Variants in GANAB observed in about 807,000 individuals in gnomAD.
GANAB encodes the protein neutral alpha-glucosidase AB.
A neutral mutation model predicts 129.9 loss-of-function variants in GANAB; 35 were observed. That is an observed-to-expected ratio of 0.27 (90% CI 0.21 to 0.36). GANAB has a LOEUF of 0.36. Among genes scored for constraint, GANAB ranks in the 10% least tolerant of loss-of-function variants. The pLI, the probability that GANAB is intolerant of heterozygous loss-of-function variation, is 1.00. For synonymous variants in GANAB, 482 were observed against 451.8 expected, an observed-to-expected ratio of 1.07 and a Z score of -0.85; for missense variants, 939 against 1,221.0, an observed-to-expected ratio of 0.77 and a Z score of 3.44.
At chr11:62,637,757 G>A (rs987955608) in intron 4 of GANAB, among the ~76,000 whole-genome samples, 4 of 151,726 alleles carry the variant, frequency 2.6e-5, no homozygotes, top group Non-Finnish European at 5.9e-5. Context: ...AAACCCAGCC[G>A]GGCGCGGTGG....
chr11:62,632,179 G>A (rs1943721006), intron 9 of GANAB, among the ~76,000 whole-genome samples: 1 of 151,720 alleles, frequency 6.6e-6, no homozygotes, highest in Non-Finnish European at 1.5e-5. Context: ...TCGCCATGTT[G>A]GCCAGGCTGG....
intron 1 of GANAB, among the ~76,000 whole-genome samples, chr11:62,642,622 G>C (rs1944317667): frequency 6.6e-6 from 1 of 151,984 alleles, no homozygotes; most frequent in Non-Finnish European, 1.5e-5. Context: ...TTTTAGTAGA[G>C]ACGGGGTTTC....
intron 5 of GANAB, chr11:62,634,374 A>C (rs762994685): frequency 6.2e-7 from 1 of 1,607,630 alleles, no homozygotes; most frequent in Admixed American, 1.7e-5. Flanking sequence ...TTATCCGAGA[A>C]ACTGGGGCAG....
chr11:62,644,904 C>T (rs1341138577), intron 1 of GANAB, among the ~76,000 whole-genome samples: 2 of 152,078 alleles, frequency 1.3e-5, no homozygotes, highest in Non-Finnish European at 2.9e-5. Context: ...CTATTATACA[C>T]ATTGTATCTA....
chr11:62,641,228 C>G (rs1418730658), intron 1 of GANAB, among the ~76,000 whole-genome samples: 1 of 150,980 alleles, frequency 6.6e-6, no homozygotes, highest in Non-Finnish European at 1.5e-5. Flanking sequence ...TCTGTAGTGA[C>G]AGCTACTCGG....
Position 62,626,963 on chromosome 11 carries a change from G to A in GANAB, c.2323-29C>T, listed in dbSNP as rs377549675. 7.4e-5 allele frequency: 118 copies of A among 1,585,078 alleles called. No homozygotes were observed. In the African/African-American group the frequency reaches 1.2e-3, roughly 16 times the overall value. On this transcript the variant is annotated intron_variant, in intron 19 of 23. Coordinates refer to ENST00000356638, the MANE Select transcript of GANAB (RefSeq NM_198334.3). ...TGAGTGACAAAAGAGGTAAGATACC[G>A]GATCACTCAGTGCACAGGGGTCCCG...
intron 8 of GANAB, 79 bp from the exon 9 acceptor site, chr11:62,632,824 G>A: frequency 8.4e-7 from 1 of 1,195,804 alleles, no homozygotes; most frequent in Non-Finnish European, 1.2e-6. Flanking sequence ...ACAGACACAG[G>A]TGAGAGATAA....
rs1348604119 is a variant in GANAB at position 62,630,401 on chromosome 11, G to A, written c.1491C>T (p.Asp497=). The A allele has an allele frequency of 6.2e-7, 1 of 1,614,190 alleles. No homozygotes were observed. Among genetic ancestry groups the A allele is most frequent in the Non-Finnish European group, 8.5e-7 (1 of 1,180,048 alleles). Residue 497 remains aspartate, a synonymous_variant, in exon 12 of 24, where the codon GAC becomes GAT. Coordinates refer to ENST00000356638, the MANE Select transcript of GANAB (RefSeq NM_198334.3). ...TACCTGGCCAGCACCAGCCCTCATA[G>A]TCAGAGCCATCCCGGGTTTTAACAT... ...GLYVKTRDGS[D]YEGWCWPGSA...
chr11:62,639,386 C>A lies in GANAB; in HGVS notation c.225G>T (p.Thr75=), dbSNP rs779044970. 1.9e-6 allele frequency: 3 copies of A among 1,612,056 alleles called. No homozygotes were observed. Among genetic ancestry groups the A allele is most frequent in the African/African-American group, 1.3e-5 (1 of 74,814 alleles). Residue 75 remains threonine, a synonymous_variant, in exon 3 of 24, where the codon ACG becomes ACT. Coordinates refer to ENST00000356638, the MANE Select transcript of GANAB (RefSeq NM_198334.3). ...DSLQLGPDSL[T]VHLIHEVTKV... ...TGGTGACCTCATGGATCAGATGGAC[C>A]GTGAGGGAATCAGGACCAAGCTGTA...
intron 1 of GANAB, among the ~76,000 whole-genome samples, chr11:62,644,469 A>G (rs74542412): frequency 6.6e-6 from 1 of 151,824 alleles, no homozygotes; most frequent in Non-Finnish European, 1.5e-5. Flanking sequence ...AAAAAAAAAA[A>G]GAGTAGCAAG....
At chr11:62,642,923 T>TA (rs1272789613) in intron 1 of GANAB, among the ~76,000 whole-genome samples, 1 of 152,124 alleles carries the variant, frequency 6.6e-6, no homozygotes, top group Non-Finnish European at 1.5e-5. Context: ...AAATAGCTGG[T>TA]AAGGGATGAA....
In GANAB at chr11:62,642,437, CTTT is replaced by C. The variant is rs769063549; in HGVS notation, c.39-2709_39-2707del. Reference sequence around the variant, plus strand: ...ATCAGAGAGAAGCCTGGGCATCAGACTTTTTTTTTTTTTTTGAGATGGAGCCTT... The same window carrying C: ...ATCAGAGAGAAGCCTGGGCATCAGACTTTTTTTTTTTTGAGATGGAGCCTT... On this transcript the variant is annotated intron_variant, in intron 1 of 23. Transcript: ENST00000356638. Among the ~76,000 whole-genome samples the C allele has an allele frequency of 5.0e-5, 7 of 140,778 alleles. 1 individual carries two copies. The highest frequency in any genetic ancestry group is 1.0e-4 in the African/African-American group (4 of 38,570). 92.4% of individuals were successfully genotyped at this position (140,778 alleles called of 152,430 possible).
In GANAB at chr11:62,625,287, C is replaced by T. The variant is rs1943311947; in HGVS notation, c.*528G>A. The T allele has an allele frequency of 2.2e-6, 1 of 456,152 alleles. No individual in the cohort carries two copies. The highest frequency in any genetic ancestry group is 2.0e-5 in the African/African-American group (1 of 50,002). The allele number at this position is 456,152 out of a possible 1,614,324, so 28.3% of individuals were successfully genotyped here. Reference sequence around the variant, plus strand: ...ACCTCACTCCTTTGATCCATTCATCCTGTCCGGGGTAAGGGGTGGTCCCAG... The same window carrying T: ...ACCTCACTCCTTTGATCCATTCATCTTGTCCGGGGTAAGGGGTGGTCCCAG... On this transcript the variant is annotated 3_prime_UTR_variant, in exon 24 of 24. Coordinates refer to ENST00000356638, the MANE Select transcript of GANAB (RefSeq NM_198334.3).
chr11:62,643,288 G>C (rs925204943), intron 1 of GANAB, among the ~76,000 whole-genome samples: 3 of 152,264 alleles, frequency 2.0e-5, no homozygotes, highest in Non-Finnish European at 2.9e-5. Flanking sequence ...GGCAGATCAC[G>C]AGATCAGGAG....
rs772342694 is a variant in GANAB at position 62,629,693 on chromosome 11, G to C, written c.1738-9C>G. ...TCAGCAGTCGCCATGTGCTGGGTGA[G>C]GAGAGAAGAGACGGGTAGTGAGGAG... On this transcript the variant is annotated splice_polypyrimidine_tract_variant and intron_variant, in intron 14 of 23. Coordinates refer to ENST00000356638, the MANE Select transcript of GANAB (RefSeq NM_198334.3). 8.1e-6 allele frequency: 13 copies of C among 1,611,104 alleles called. No homozygotes were observed. Among genetic ancestry groups the C allele is most frequent in the Non-Finnish European group, 9.3e-6 (11 of 1,177,708 alleles).
chr11:62,637,640 G>A (rs1422007877), intron 4 of GANAB, among the ~76,000 whole-genome samples: 4 of 152,176 alleles, frequency 2.6e-5, no homozygotes, highest in African/African-American at 4.8e-5. Flanking sequence ...CCTAAAAATG[G>A]ATTAATCAGT....
At chr11:62,629,317 G>A (rs1253272155) in intron 15 of GANAB, 22 bp from the exon 16 acceptor site, 3 of 1,517,674 alleles carry the variant, frequency 2.0e-6, no homozygotes, top group Non-Finnish European at 2.7e-6. Flanking sequence ...AAGAAGTGGG[G>A]AGCTTGCACA....
Position 62,630,522 on chromosome 11 carries a change from G to A in GANAB, c.1387-17C>T, listed in dbSNP as rs1388405321. ...GGCCACCAGCTGGGGGCAAGGAACA[G>A]GGGTGTTCAGGTCTCTTTAAGGCTA... On this transcript the variant is annotated splice_polypyrimidine_tract_variant and intron_variant, in intron 11 of 23. Transcript: ENST00000356638. 1 of 1,614,194 alleles carries A rather than the reference G, an allele frequency of 6.2e-7. No homozygotes were observed. Among genetic ancestry groups the A allele is most frequent in the Non-Finnish European group, 8.5e-7 (1 of 1,180,034 alleles).
chr11:62,639,141 A>ATTTT (rs753418608), intron 3 of GANAB, 31 bp from the exon 4 acceptor site: 23 of 1,612,084 alleles, frequency 1.4e-5, no homozygotes, highest in Non-Finnish European at 2.0e-5. Context: ...ATCTGGAGAA[A>ATTTT]GGAAATGGGA....
Sources: gnomAD v4.1 joint callset for allele counts (sites outside exome capture counted in the v4.1 genomes callset) on GRCh38, gnomAD v4.1.1 for gene constraint, MANE v1.5 for transcripts, NCBI Gene and HGNC (gene_info 2026-07-23, HGNC 2026-07-21) for gene names.